The following UFD1 variants were observed in gnomAD, a reference collection of about 807,000 sequenced individuals.
The protein encoded by UFD1 is ubiquitin recognition factor in ER associated degradation 1.
Under a neutral mutation model 45.9 loss-of-function variants are expected in UFD1, and 13 were observed. The observed-to-expected ratio is 0.28, with a 90% CI of 0.18 to 0.45. The LOEUF (loss-of-function observed/expected upper bound fraction) is 0.45, where lower values mean the gene tolerates loss of function less well. UFD1 is among the 20% of genes least tolerant of loss of function. The pLI is 1.00. For synonymous variants in UFD1, 128 were observed against 139.2 expected, an observed-to-expected ratio of 0.92 and a Z score of 0.56; for missense variants, 218 against 389.2, an observed-to-expected ratio of 0.56 and a Z score of 3.70.
At chr22:19,477,082 A>G (rs2089888141) in intron 1 of UFD1, among the ~76,000 whole-genome samples, 1 of 151,992 alleles carries the variant, frequency 6.6e-6, no homozygotes, top group African/African-American at 2.4e-5. Context: ...TAAAACAATT[A>G]CAACAATATA....
At chr22:19,457,041 C>T (rs1265333374) in intron 7 of UFD1, 123 bp from the exon 8 acceptor site, 18 of 712,250 alleles carry the variant, frequency 2.5e-5, no homozygotes, top group Non-Finnish European at 4.4e-5. Flanking sequence ...CAAAAGATGC[C>T]TTGTACACTT....
At chr22:19,471,631 A>G in intron 4 of UFD1, 56 bp downstream of exon 4, 1 of 1,594,578 alleles carries the variant, frequency 6.3e-7, no homozygotes, top group Non-Finnish European at 8.5e-7. Context: ...TCTCGAGTGC[A>G]GGAGATGTCT....
chr22:19,471,552 G>A (rs900475810), intron 4 of UFD1, 135 bp downstream of exon 4: 35 of 1,324,040 alleles, frequency 2.6e-5, no homozygotes, highest in African/African-American at 2.9e-5. Flanking sequence ...CTTCTCTCTC[G>A]CTGGGTCGGC....
chr22:19,456,514 A>G (rs1251127222), intron 9 of UFD1, 73 bp downstream of exon 9: 4 of 1,597,842 alleles, frequency 2.5e-6, no homozygotes, highest in Non-Finnish European at 1.7e-6. Context: ...ATCATGGAGA[A>G]CACCTTGAGT....
intron 6 of UFD1, among the ~76,000 whole-genome samples, chr22:19,458,425 T>G (rs2089740291): frequency 6.6e-6 from 1 of 152,214 alleles, no homozygotes; most frequent in Non-Finnish European, 1.5e-5. Context: ...GAAAGTTCAC[T>G]TCTGGAACTT....
At chr22:19,463,385 G>A (rs746656239) in intron 6 of UFD1, among the ~76,000 whole-genome samples, 70 of 151,898 alleles carry the variant, frequency 4.6e-4, no homozygotes, top group Non-Finnish European at 9.1e-4. Flanking sequence ...TTTGTTGCTC[G>A]CTATTATAAT....
chr22:19,457,062 C>T lies in UFD1; in HGVS notation c.565-144G>A, dbSNP rs2089728736. The stretch of plus-strand genomic sequence containing the variant: ...ATGCCTTGTACACTTGCCCAGTTTT[C>T]CCAACGGTAGCATCTTACAAAATTA... On this transcript the variant is annotated intron_variant, in intron 7 of 11. Transcript: ENST00000263202. The T allele has an allele frequency of 1.2e-5, 8 of 662,356 alleles. No homozygotes were observed. In the East Asian group the frequency reaches 2.2e-4, roughly 18 times the overall value. 41.0% of individuals were successfully genotyped at this position (662,356 alleles called of 1,614,324 possible). A position where few individuals can be genotyped will look rare whatever the true frequency, so the allele number is the denominator to read the frequency against.
intron 11 of UFD1, chr22:19,452,671 G>A (rs905371938): frequency 2.6e-5 from 4 of 152,220 alleles, no homozygotes; most frequent in South Asian, 4.1e-4. Context: ...CTATAGGTGC[G>A]TGCCACCATG....
At chr22:19,472,314 G>A (rs1439952548) in intron 3 of UFD1, among the ~76,000 whole-genome samples, 1 of 152,202 alleles carries the variant, frequency 6.6e-6, no homozygotes, top group Non-Finnish European at 1.5e-5. Context: ...GGCGTGGAAG[G>A]GAAGAGGAGC....
intron 4 of UFD1, chr22:19,471,393 A>G (rs775537916): frequency 9.1e-6 from 6 of 661,208 alleles, no homozygotes; most frequent in Non-Finnish European, 1.7e-5. Context: ...TTGCTCCATT[A>G]TTTTTAAAAA....
At chr22:19,465,707 C>A in intron 5 of UFD1, 1 of 158,168 alleles carries the variant, frequency 6.3e-6, no homozygotes, top group Non-Finnish European at 1.4e-5. Flanking sequence ...GAACTGTGTG[C>A]ATTTTATTGT....
intron 4 of UFD1, chr22:19,471,251 G>A (rs758695438): frequency 3.9e-6 from 2 of 517,052 alleles, no homozygotes; most frequent in South Asian, 1.4e-5. Context: ...TCCCATGGCA[G>A]CTCAGTTGAG....
intron 6 of UFD1, among the ~76,000 whole-genome samples, chr22:19,460,449 T>C (rs1479774217): frequency 6.6e-6 from 1 of 152,222 alleles, no homozygotes; most frequent in African/African-American, 2.4e-5. Context: ...ACATTTTCCA[T>C]TTACTTTTAT....
At chr22:19,461,208 GAAT>G (rs1409535051) in intron 6 of UFD1, among the ~76,000 whole-genome samples, 2 of 152,130 alleles carry the variant, frequency 1.3e-5, no homozygotes, top group Non-Finnish European at 2.9e-5. Context: ...TTTTAATGTT[GAAT>G]AATATTACAT....
At chr22:19,454,658 C>G in intron 11 of UFD1, 91 bp downstream of exon 11, 1 of 1,597,230 alleles carries the variant, frequency 6.3e-7, no homozygotes, top group Non-Finnish European at 8.5e-7. Flanking sequence ...GACTAATGCA[C>G]ACCCCTACTC....
At chr22:19,474,882 G>T (rs2089870502) in intron 3 of UFD1, among the ~76,000 whole-genome samples, 186 bp downstream of exon 3, 2 of 152,134 alleles carry the variant, frequency 1.3e-5, no homozygotes, top group Admixed American at 1.3e-4. Context: ...GGTTCAGGGG[G>T]CCCTGGCCTC....
At chr22:19,458,006 C>T in intron 7 of UFD1, 65 bp downstream of exon 7, 2 of 1,569,028 alleles carry the variant, frequency 1.3e-6, no homozygotes, top group Non-Finnish European at 1.8e-6. Flanking sequence ...CCCTGGCCTG[C>T]AGTGGTCACC....
chr22:19,453,184 G>A, intron 11 of UFD1: 1 of 985,386 alleles, frequency 1.0e-6, no homozygotes, highest in Non-Finnish European at 1.2e-6. Flanking sequence ...ACAGAATTCT[G>A]TCTTTAGTCC....
In UFD1 at chr22:19,475,565, A is replaced by T; in HGVS notation, c.41T>A (p.Val14Asp). 1.2e-6 allele frequency: 2 copies of T among 1,614,196 alleles called. No individual in the cohort carries two copies. Among genetic ancestry groups the T allele is most frequent in the Non-Finnish European group, 1.7e-6 (2 of 1,180,022 alleles). The change falls in exon 2 of 12, where the codon GTC (valine) becomes GAC (aspartate). Residue 14 changes from valine (V) to aspartate (D), a missense_variant. Coordinates refer to ENST00000263202, the MANE Select transcript of UFD1 (RefSeq NM_005659.7). Reference sequence around the variant, plus strand: ...CTGTGTGGAGAAGCGGTTTTGGAAGACCCTGGGAATAGGGTGGTCGAACAT... The same window carrying T: ...CTGTGTGGAGAAGCGGTTTTGGAAGTCCCTGGGAATAGGGTGGTCGAACAT... ...FNMFDHPIPR[V>D]FQNRFSTQYR...
Sources: gnomAD v4.1 joint callset for allele counts (sites outside exome capture counted in the v4.1 genomes callset) on GRCh38, gnomAD v4.1.1 for gene constraint, MANE v1.5 for transcripts, NCBI Gene and HGNC (gene_info 2026-07-23, HGNC 2026-07-21) for gene names.